VPS8: variants seen among roughly 807,000 people sequenced by gnomAD.
VPS8 encodes the protein VPS8 subunit of CORVET complex, also known as vacuolar protein sorting-associated protein 8 homolog.
In VPS8, 129 loss-of-function variants were observed where a neutral mutation model predicts 216.4. The ratio of observed to expected loss-of-function variants is 0.60; its 90% CI spans 0.52 to 0.69. VPS8 has a LOEUF of 0.69. Ranked by LOEUF, VPS8 falls within the 30% of genes least tolerant of loss-of-function variation. The pLI is 0.00. For missense variants in VPS8, 1,531 were observed against 1,683.5 expected, an observed-to-expected ratio of 0.91 and a Z score of 1.59; for synonymous variants, 571 against 565.4, an observed-to-expected ratio of 1.01 and a Z score of -0.14.
At chr3:184,940,698 C>T (rs1560782401) in intron 36 of VPS8, among the ~76,000 whole-genome samples, 1 of 152,130 alleles carries the variant, frequency 6.6e-6, no homozygotes, top group Non-Finnish European at 1.5e-5. Flanking sequence ...AAACAACTTC[C>T]TGATGGTGTG....
Position 184,966,530 on chromosome 3 carries a change from C to A in VPS8, c.3274-141C>A, listed in dbSNP as rs1577008539. On this transcript the variant is annotated intron_variant, in intron 38 of 47. Coordinates refer to ENST00000625842, the MANE Select transcript of VPS8 (RefSeq NM_001009921.3). ...TACTTTCTATAAACAGAAGAGTTTA[C>A]TTCTGACTGACACTAAAGGACTGTT... is the stretch of plus-strand genomic sequence containing the variant. 7 of 461,426 alleles carry A rather than the reference C, an allele frequency of 1.5e-5. No individual in the cohort carries two copies. In the East Asian group the frequency reaches 2.3e-4, roughly 15 times the overall value. 28.6% of individuals were successfully genotyped at this position (461,426 alleles called of 1,614,324 possible).
At chr3:185,036,084 T>G (rs1160752535) in intron 46 of VPS8, among the ~76,000 whole-genome samples, 1 of 152,126 alleles carries the variant, frequency 6.6e-6, no homozygotes, top group Admixed American at 6.6e-5. Context: ...CAAGGAGAAC[T>G]GCAAAACATT....
At chr3:184,885,371 A>G (rs962228860) in intron 21 of VPS8, among the ~76,000 whole-genome samples, 1 of 152,244 alleles carries the variant, frequency 6.6e-6, no homozygotes, top group African/African-American at 2.4e-5. Flanking sequence ...TTCCAGTCAT[A>G]ATAAGCTACT....
intron 23 of VPS8, among the ~76,000 whole-genome samples, chr3:184,896,103 T>G (rs1733424561): frequency 6.6e-6 from 1 of 152,138 alleles, no homozygotes. Flanking sequence ...GAAAAATGAT[T>G]ATTTTATTTC....
intron 29 of VPS8, among the ~76,000 whole-genome samples, chr3:184,921,036 A>G (rs1738515624): frequency 6.6e-6 from 1 of 152,194 alleles, no homozygotes; most frequent in Non-Finnish European, 1.5e-5. Flanking sequence ...AGATGATGCC[A>G]GTTTGATTGA....
rs778363196 is a variant in VPS8 at position 184,870,816 on chromosome 3, C to T, written c.1734+11C>T. ...GAGCAGCATTTTCAGGTACACATTG[C>T]ATGTGCTTCCAGTAGACGATGCTCT... On this transcript the variant is annotated intron_variant, in intron 21 of 47. Transcript: ENST00000625842. 1.9e-6 allele frequency: 3 copies of T among 1,603,678 alleles called. No individual in the cohort carries two copies. The highest frequency in any genetic ancestry group is 1.1e-5 in the South Asian group (1 of 89,582).
At chr3:184,947,083 G>A (rs568948215) in intron 36 of VPS8, among the ~76,000 whole-genome samples, 34 of 152,256 alleles carry the variant, frequency 2.2e-4, no homozygotes, top group African/African-American at 7.5e-4. Context: ...CTAGTAAAAG[G>A]TGGAGACGTG....
In VPS8 at chr3:184,928,506, T is replaced by A. The variant is rs750233890; in HGVS notation, c.2687T>A (p.Leu896His). The A allele has an allele frequency of 4.6e-6, 7 of 1,529,172 alleles. No individual in the cohort carries two copies. The highest frequency in any genetic ancestry group is 6.1e-6 in the Non-Finnish European group (7 of 1,150,334). The allele number at this position is 1,529,172 out of a possible 1,614,324, so 94.7% of individuals were successfully genotyped here. A position where few individuals can be genotyped will look rare whatever the true frequency, so the allele number is the denominator to read the frequency against. ...GGIVQFEESR[L>H]IRMAEKAEFY... ...ATAGTTCAATTTGAAGAGAGTCGACTCATCCGGATGGCAGAAAAAGCTGAG... is the reference window on the plus strand; with the variant it reads ...ATAGTTCAATTTGAAGAGAGTCGACACATCCGGATGGCAGAAAAAGCTGAG... The change falls in exon 32 of 48, where the codon CTC (leucine) becomes CAC (histidine). Residue 896 changes from leucine to histidine, a missense_variant. Leu to His is a moderately conservative substitution (Grantham distance 99). Around this residue, in one of 3 missense-constraint regions of VPS8, gnomAD observed 1,318 missense variants for 1,468.4 expected, o/e 0.90. Transcript: ENST00000625842.
chr3:184,900,809 T>C, intron 24 of VPS8, 112 bp from the exon 25 acceptor site: 4 of 881,506 alleles, frequency 4.5e-6, no homozygotes, highest in Non-Finnish European at 7.0e-6. Flanking sequence ...TTAATCTTAA[T>C]GGTAAATGAC....
intron 39 of VPS8, among the ~76,000 whole-genome samples, chr3:184,971,129 C>T (rs999957190): frequency 1.3e-5 from 2 of 152,088 alleles, no homozygotes; most frequent in African/African-American, 2.4e-5. Flanking sequence ...AAATAAATGT[C>T]TTAGGTTCAT....
chr3:185,018,416 C>T lies in VPS8; in HGVS notation c.4003-5920C>T, dbSNP rs148439681. Among the ~76,000 whole-genome samples the T allele has an allele frequency of 1.1e-3, 175 of 152,330 alleles. 2 individuals are homozygous for T. The highest frequency in any genetic ancestry group is 1.4e-3 in the Admixed American group (22 of 15,306). On this transcript the variant is annotated intron_variant, in intron 45 of 47. Coordinates refer to ENST00000625842, the MANE Select transcript of VPS8 (RefSeq NM_001009921.3). Reference sequence around the variant, plus strand: ...CACACTACTCTAAGCTGCTCTGTGGCATCATCCTGCATGACCACTTGGGCA... The same window carrying T: ...CACACTACTCTAAGCTGCTCTGTGGTATCATCCTGCATGACCACTTGGGCA...
At chr3:184,857,701 A>G (rs1025243730) in intron 14 of VPS8, among the ~76,000 whole-genome samples, 1 of 152,042 alleles carries the variant, frequency 6.6e-6, no homozygotes, top group African/African-American at 2.4e-5. Context: ...ACCTGTGATG[A>G]CTCCATTACC....
chr3:184,935,450 A>G (rs1741436156), intron 34 of VPS8, among the ~76,000 whole-genome samples: 1 of 152,208 alleles, frequency 6.6e-6, no homozygotes, highest in African/African-American at 2.4e-5. Context: ...TAAGAGATAC[A>G]TTGTGAATGT....
chr3:184,832,215 A>G (rs1425835750), intron 3 of VPS8, among the ~76,000 whole-genome samples: 1 of 152,142 alleles, frequency 6.6e-6, no homozygotes, highest in Non-Finnish European at 1.5e-5. Context: ...TGTATTGTGA[A>G]ATCACTGTGT....
rs181325179 is a variant in VPS8, at chr3:184,826,081, G to A, written c.154-82G>A. On this transcript the variant is annotated intron_variant, in intron 2 of 47. Coordinates refer to ENST00000625842, the MANE Select transcript of VPS8 (RefSeq NM_001009921.3). ...TGGTAAGTTTGTCTTTTAATTGATG[G>A]TGGTTTTAATCAACTAAAACCCCTC... 181 of 934,232 alleles carry A rather than the reference G, an allele frequency of 1.9e-4. 1 individual carries two copies. Among genetic ancestry groups the A allele is most frequent in the Middle Eastern group, 1.6e-3 (6 of 3,684 alleles). 57.9% of individuals were successfully genotyped at this position (934,232 alleles called of 1,614,324 possible).
intron 43 of VPS8, among the ~76,000 whole-genome samples, chr3:184,994,677 G>A (rs1752381974): frequency 6.6e-6 from 1 of 152,110 alleles, no homozygotes; most frequent in Non-Finnish European, 1.5e-5. Context: ...TATACCACAT[G>A]AAAAGGAAGG....
chr3:185,047,034 C>A (rs1449064606), intron 46 of VPS8, among the ~76,000 whole-genome samples: 2 of 152,220 alleles, frequency 1.3e-5, no homozygotes, highest in Admixed American at 1.3e-4. Context: ...GCTCTCATTT[C>A]CATAAAGTTT....
intron 9 of VPS8, chr3:184,849,425 G>T: frequency 2.7e-6 from 1 of 366,496 alleles, no homozygotes; most frequent in Non-Finnish European, 4.7e-6. Context: ...GTCTATTTGA[G>T]TAAATAATTT....
At chr3:185,031,063 GTTTTTTTTTTTTTT>G (rs765510619) in intron 46 of VPS8, among the ~76,000 whole-genome samples, 1 of 64,346 alleles carries the variant, frequency 1.6e-5, no homozygotes, top group Non-Finnish European at 2.9e-5. Context: ...ACAGGTTGGC[GTTTTTTTTTTTTTT>G]TTTTTTTTTT....
Sources: gnomAD v4.1 joint callset for allele counts (sites outside exome capture counted in the v4.1 genomes callset) on GRCh38, gnomAD v4.1.1 for gene constraint, gnomAD v4.1.1 regional missense constraint, MANE v1.5 for transcripts, NCBI Gene and HGNC (gene_info 2026-07-23, HGNC 2026-07-21) for gene names.